Variants in NBEA observed in about 807,000 individuals in gnomAD.
NBEA encodes neurobeachin.
Under a neutral mutation model 343.4 loss-of-function variants are expected in NBEA, and 44 were observed. The observed-to-expected ratio is 0.13, with a 90% CI of 0.10 to 0.16. The LOEUF is 0.16. Among genes scored for constraint, NBEA ranks in the 10% least tolerant of loss-of-function variants. The probability of loss-of-function intolerance (pLI) is 1.00; values close to 1 mark genes in which losing one functional copy is unlikely to be tolerated. For synonymous variants in NBEA, 1,175 were observed against 1,238.7 expected (o/e 0.95, Z 1.08); for missense variants, 2,555 against 3,631.3 (o/e 0.70, Z 7.62).
At chr13:35,646,038 A>G in intron 50 of NBEA, 107 bp downstream of exon 50, 1 of 775,162 alleles carries the variant, frequency 1.3e-6, no homozygotes, top group Non-Finnish European at 2.1e-6. Context: ...GGGAATAAGA[A>G]TAGTGACTGG....
At chr13:35,567,457 G>GCT (rs2153026447) in intron 45 of NBEA, among the ~76,000 whole-genome samples, 1 of 152,274 alleles carries the variant, frequency 6.6e-6, no homozygotes, top group East Asian at 1.9e-4. Context: ...ATATATGAGA[G>GCT]AGAAGATATG....
At chr13:35,270,163 T>TG (rs1339021494) in intron 34 of NBEA, among the ~76,000 whole-genome samples, 1 of 152,160 alleles carries the variant, frequency 6.6e-6, no homozygotes, top group East Asian at 1.9e-4. Context: ...AATGTAGAAG[T>TG]TGACAAAGAT....
chr13:35,008,828 G>T (rs752963935), intron 1 of NBEA, among the ~76,000 whole-genome samples: 1 of 152,000 alleles, frequency 6.6e-6, no homozygotes, highest in Non-Finnish European at 1.5e-5. Flanking sequence ...TTACTTTTGG[G>T]GTATACTTAC....
chr13:35,131,717 C>CA (rs2067439811), intron 17 of NBEA, among the ~76,000 whole-genome samples: 1 of 152,080 alleles, frequency 6.6e-6, no homozygotes, highest in Non-Finnish European at 1.5e-5. Context: ...TTAAAGCTAG[C>CA]AAAATTGTTT....
At chr13:35,542,335 G>A (rs1212393443) in intron 41 of NBEA, among the ~76,000 whole-genome samples, 1 of 152,074 alleles carries the variant, frequency 6.6e-6, no homozygotes, top group Non-Finnish European at 1.5e-5. Context: ...TTGCCTCACA[G>A]TTAAGCCATT....
intron 17 of NBEA, among the ~76,000 whole-genome samples, chr13:35,134,465 A>G (rs2067608773): frequency 6.6e-6 from 1 of 151,968 alleles, no homozygotes; most frequent in Non-Finnish European, 1.5e-5. Context: ...ATAAAATTGG[A>G]AATAAAAAAA....
intron 18 of NBEA, among the ~76,000 whole-genome samples, chr13:35,151,786 ATTAT>A: frequency 6.6e-6 from 1 of 152,234 alleles, no homozygotes; most frequent in East Asian, 1.9e-4. Context: ...TTATATACAT[ATTAT>A]TTAGGAATTG....
chr13:35,348,792 A>G (rs1270547166), intron 36 of NBEA, among the ~76,000 whole-genome samples: 1 of 152,002 alleles, frequency 6.6e-6, no homozygotes, highest in Non-Finnish European at 1.5e-5. Flanking sequence ...TACCTCTAAG[A>G]TAGTGACTTC....
At chr13:35,584,624 A>G (rs2081207507) in intron 46 of NBEA, among the ~76,000 whole-genome samples, 1 of 150,974 alleles carries the variant, frequency 6.6e-6, no homozygotes. Context: ...CTCAGCCTCC[A>G]GAGTAGTTGG....
At chr13:34,950,962 G>T (rs2152483382) in intron 1 of NBEA, among the ~76,000 whole-genome samples, 1 of 152,280 alleles carries the variant, frequency 6.6e-6, no homozygotes, top group Admixed American at 6.5e-5. Flanking sequence ...TCCAGCCTGG[G>T]TGATGGAGTA....
chr13:35,187,565 T>C (rs2071811563), intron 30 of NBEA, among the ~76,000 whole-genome samples: 2 of 151,696 alleles, frequency 1.3e-5, no homozygotes, highest in Non-Finnish European at 2.9e-5. Context: ...GGGACAAAGT[T>C]AAAATGCCTT....
intron 38 of NBEA, among the ~76,000 whole-genome samples, chr13:35,392,596 T>C (rs1264978741): frequency 6.6e-6 from 1 of 152,068 alleles, no homozygotes; most frequent in African/African-American, 2.4e-5. Flanking sequence ...AGGAATGATA[T>C]ATAATACAAA....
chr13:35,624,248 A>G (rs1593397935), intron 48 of NBEA, among the ~76,000 whole-genome samples: 1 of 152,200 alleles, frequency 6.6e-6, no homozygotes, highest in Non-Finnish European at 1.5e-5. Context: ...AACACAATCA[A>G]CTTCTAGAAA....
intron 10 of NBEA, among the ~76,000 whole-genome samples, chr13:35,077,163 T>C (rs557422660): frequency 2.0e-5 from 3 of 152,212 alleles, no homozygotes; most frequent in Admixed American, 2.0e-4. Context: ...TAACTTAGTA[T>C]TATAATTTTA....
At chr13:35,586,193 C>T (rs2081287413) in intron 46 of NBEA, among the ~76,000 whole-genome samples, 1 of 152,166 alleles carries the variant, frequency 6.6e-6, no homozygotes, top group Admixed American at 6.5e-5. Flanking sequence ...TTTTTCCCTT[C>T]ACCTAAATGA....
chr13:35,504,097 TG>T (rs1448971457), intron 41 of NBEA, among the ~76,000 whole-genome samples: 5 of 152,186 alleles, frequency 3.3e-5, no homozygotes, highest in Admixed American at 2.0e-4. Context: ...GTTGGATATT[TG>T]AGATATTTCA....
At chr13:34,970,908 A>G (rs965290323) in intron 1 of NBEA, among the ~76,000 whole-genome samples, 1 of 152,130 alleles carries the variant, frequency 6.6e-6, no homozygotes, top group Non-Finnish European at 1.5e-5. Flanking sequence ...TGGTTCTGTG[A>G]AGAATGTCAA....
chr13:35,129,009 A>G (rs1206984610), intron 17 of NBEA, among the ~76,000 whole-genome samples: 1 of 140,636 alleles, frequency 7.1e-6, no homozygotes, highest in Non-Finnish European at 1.5e-5. Flanking sequence ...CAAACACCAC[A>G]TGTTCTCACT....
chr13:35,489,713 T>G (rs951289651), intron 41 of NBEA, among the ~76,000 whole-genome samples: 10 of 151,904 alleles, frequency 6.6e-5, no homozygotes, highest in Middle Eastern at 6.3e-3. Flanking sequence ...TGTTTTTGTT[T>G]AAATCTCAAA....
Sources: allele counts gnomAD v4.1 joint callset (sites outside exome capture counted in the v4.1 genomes callset), GRCh38; gene constraint gnomAD v4.1.1; transcripts MANE v1.5; gene names NCBI Gene and HGNC (gene_info 2026-07-23, HGNC 2026-07-21).